HMBOX1: variants seen among roughly 807,000 people sequenced by gnomAD.
HMBOX1 encodes homeobox containing 1.
Under a neutral mutation model 54.5 loss-of-function variants are expected in HMBOX1, and 14 were observed. That is an observed-to-expected ratio of 0.26 (90% confidence interval 0.17 to 0.40). The LOEUF (loss-of-function observed/expected upper bound fraction) is 0.40, where lower values mean the gene tolerates loss of function less well. Among genes scored for constraint, HMBOX1 ranks in the 10% least tolerant of loss-of-function variants. The pLI, the probability that HMBOX1 is intolerant of heterozygous loss-of-function variation, is 1.00. For synonymous variants in HMBOX1, 160 were observed against 181.0 expected (o/e 0.88, Z 0.93); for missense variants, 332 against 514.4 (o/e 0.65, Z 3.43).
Position 29,031,495 on chromosome 8 carries a change from C to T in HMBOX1, c.851+12582C>T, listed in dbSNP as rs917360535. Among the ~76,000 whole-genome samples the T allele has an allele frequency of 2.5e-4, 37 of 150,920 alleles. 1 individual carries two copies. Among genetic ancestry groups the T allele is most frequent in the African/African-American group, 8.3e-4 (34 of 41,070 alleles). ...ATATTGAGAGAAATAAATAATTTAC[C>T]TTATATATTTAATAGTCTGTACATT... On this transcript the variant is annotated intron_variant, in intron 6 of 9. Coordinates refer to ENST00000287701, the MANE Select transcript of HMBOX1 (RefSeq NM_001135726.3).
chr8:28,930,001 C>T (rs1160209796), intron 1 of HMBOX1, among the ~76,000 whole-genome samples: 1 of 142,342 alleles, frequency 7.0e-6, no homozygotes, highest in African/African-American at 2.6e-5. Flanking sequence ...CCTCCTACAT[C>T]AGCAGTCTTT....
rs186556068 is a variant in HMBOX1 at position 29,035,578 on chromosome 8, T to C, written c.852-9783T>C. ...ATTGCCCTAGGAGTTTGTGAACTGG[T>C]TAAGTGCAGTTTACTCAAATAGTAG... is the stretch of plus-strand genomic sequence containing the variant. On this transcript the variant is annotated intron_variant, in intron 6 of 9. Coordinates refer to ENST00000287701, the MANE Select transcript of HMBOX1 (RefSeq NM_001135726.3). Among the ~76,000 whole-genome samples the C allele has an allele frequency of 2.2e-3, 330 of 152,296 alleles. 4 individuals are homozygous for C. Among genetic ancestry groups the C allele is most frequent in the African/African-American group, 7.7e-3 (322 of 41,556 alleles).
intron 4 of HMBOX1, among the ~76,000 whole-genome samples, chr8:28,997,792 C>T (rs925955079): frequency 6.6e-6 from 1 of 152,178 alleles, no homozygotes; most frequent in Non-Finnish European, 1.5e-5. Flanking sequence ...CTCAAGTGAT[C>T]CTCCCTCCTT....
chr8:29,039,718 A>G (rs1804543798), intron 6 of HMBOX1, among the ~76,000 whole-genome samples: 1 of 152,200 alleles, frequency 6.6e-6, no homozygotes, highest in Middle Eastern at 3.4e-3. Context: ...AGCAACTACT[A>G]TGTCCTCCTT....
chr8:28,963,815 G>T lies in HMBOX1; in HGVS notation c.-53G>T. The T allele has an allele frequency of 1.4e-6, 2 of 1,441,096 alleles. No homozygotes were observed. The highest frequency in any genetic ancestry group is 1.9e-6 in the Non-Finnish European group (2 of 1,043,272). The allele number at this position is 1,441,096 out of a possible 1,614,324, so 89.3% of individuals were successfully genotyped here. A position where few individuals can be genotyped will look rare whatever the true frequency, so the allele number is the denominator to read the frequency against. ...TTTTCTATCTTTGTTCTACAGAATG[G>T]TAGATAACGCAGATCATCTCTGGAA... On this transcript the variant is annotated 5_prime_UTR_variant, in exon 2 of 10. Coordinates refer to ENST00000287701, the MANE Select transcript of HMBOX1 (RefSeq NM_001135726.3).
In HMBOX1 at chr8:28,922,419, G is replaced by A. The variant is rs796074178; in HGVS notation, c.-58+31741G>A. Among the ~76,000 whole-genome samples, 3 of 152,238 alleles carry A rather than the reference G, an allele frequency of 2.0e-5. No homozygotes were observed. The East Asian group carries it at 5.8e-4, about 29-fold the overall frequency. Reference sequence around the variant, plus strand: ...AAGATACCAAGGGACAACTGTAATAGGACAACACTTTGTTGGGCTTTTATT... The same window carrying A: ...AAGATACCAAGGGACAACTGTAATAAGACAACACTTTGTTGGGCTTTTATT... On this transcript the variant is annotated intron_variant, in intron 1 of 9. Coordinates refer to ENST00000287701, the MANE Select transcript of HMBOX1 (RefSeq NM_001135726.3).
At chr8:28,969,441 A>G (rs1827012331) in intron 2 of HMBOX1, among the ~76,000 whole-genome samples, 1 of 152,148 alleles carries the variant, frequency 6.6e-6, no homozygotes, top group Non-Finnish European at 1.5e-5. Context: ...GAAATTGCTA[A>G]GTAGTGAATG....
chr8:28,973,643 C>A (rs767924099), intron 3 of HMBOX1, among the ~76,000 whole-genome samples: 1 of 151,834 alleles, frequency 6.6e-6, no homozygotes, highest in Non-Finnish European at 1.5e-5. Flanking sequence ...GGTGGGGGAG[C>A]CTGGGTATCT....
intron 4 of HMBOX1, among the ~76,000 whole-genome samples, chr8:28,982,418 C>G (rs752829304): frequency 6.6e-6 from 1 of 151,790 alleles, no homozygotes; most frequent in Non-Finnish European, 1.5e-5. Flanking sequence ...GATGCCATCC[C>G]GTTTTTATTT....
At chr8:28,908,369 C>T (rs958642463) in intron 1 of HMBOX1, among the ~76,000 whole-genome samples, 1 of 152,144 alleles carries the variant, frequency 6.6e-6, no homozygotes, top group African/African-American at 2.4e-5. Context: ...GAAGAATTGA[C>T]ATTAATTATA....
At chr8:28,935,563 A>G (rs1182132565) in intron 1 of HMBOX1, among the ~76,000 whole-genome samples, 2 of 152,216 alleles carry the variant, frequency 1.3e-5, no homozygotes, top group Admixed American at 6.5e-5. Context: ...TTATAGTCCT[A>G]AACCTAAGAG....
At chr8:29,014,693 A>C (rs1834732929) in intron 5 of HMBOX1, among the ~76,000 whole-genome samples, 1 of 151,622 alleles carries the variant, frequency 6.6e-6, no homozygotes, top group Non-Finnish European at 1.5e-5. Context: ...TTTTTCCCCC[A>C]CCCCGAGATG....
intron 3 of HMBOX1, among the ~76,000 whole-genome samples, chr8:28,974,419 G>T (rs1828036171): frequency 6.6e-6 from 1 of 152,040 alleles, no homozygotes; most frequent in Non-Finnish European, 1.5e-5. Context: ...ATACTAATGT[G>T]TGTTTCATGT....
intron 1 of HMBOX1, among the ~76,000 whole-genome samples, chr8:28,919,073 C>T (rs1394307724): frequency 6.6e-6 from 1 of 152,178 alleles, no homozygotes; most frequent in Non-Finnish European, 1.5e-5. Flanking sequence ...GCTCAGTGTT[C>T]ATGTCATAAA....
chr8:28,959,653 T>C (rs1825111883), intron 1 of HMBOX1, among the ~76,000 whole-genome samples: 1 of 152,216 alleles, frequency 6.6e-6, no homozygotes, highest in Non-Finnish European at 1.5e-5. Flanking sequence ...CTACCTTTAT[T>C]AGGTTTGCTG....
intron 1 of HMBOX1, among the ~76,000 whole-genome samples, chr8:28,946,197 C>T (rs1004310774): frequency 6.6e-6 from 1 of 151,888 alleles, no homozygotes; most frequent in Non-Finnish European, 1.5e-5. Context: ...AGGTGATCCA[C>T]CCGCCTCGGC....
chr8:28,956,229 C>G (rs1824409471), intron 1 of HMBOX1, among the ~76,000 whole-genome samples: 1 of 151,778 alleles, frequency 6.6e-6, no homozygotes, highest in Non-Finnish European at 1.5e-5. Flanking sequence ...TCCTTGACTT[C>G]TAGTGCATTT....
intron 1 of HMBOX1, among the ~76,000 whole-genome samples, chr8:28,913,165 C>T (rs891703382): frequency 1.3e-5 from 2 of 152,196 alleles, no homozygotes; most frequent in Non-Finnish European, 2.9e-5. Flanking sequence ...GCTGGTCTTG[C>T]CCTCTTTCCC....
At position 29,050,550 on chromosome 8, in the gene HMBOX1, G is replaced by A. The variant is rs77487583; in HGVS notation, c.1126-468G>A. ...AAAATGCATTTTTTATCTGTAAGAT[G>A]TAATTGTAAGTTCTGTCTAGTTTTC... On this transcript the variant is annotated intron_variant, in intron 9 of 9. Transcript: ENST00000287701. 360 of 153,146 alleles carry A rather than the reference G, an allele frequency of 2.4e-3. 14 individuals are homozygous for A. In the East Asian group the frequency reaches 0.058, roughly 25 times the overall value. The allele number at this position is 153,146 out of a possible 1,614,324, so 9.5% of individuals were successfully genotyped here.
Sources: allele counts gnomAD v4.1 joint callset (sites outside exome capture counted in the v4.1 genomes callset), GRCh38; gene constraint gnomAD v4.1.1; transcripts MANE v1.5; gene names NCBI Gene and HGNC (gene_info 2026-07-23, HGNC 2026-07-21).